PRKAR1B: variants seen among roughly 807,000 people sequenced by gnomAD.
The protein encoded by PRKAR1B is protein kinase cAMP-dependent type I regulatory subunit beta, also known as cAMP-dependent protein kinase type I-beta regulatory subunit.
A neutral mutation model predicts 46.5 loss-of-function variants in PRKAR1B; 22 were observed. The observed-to-expected ratio is 0.47, with a 90% CI of 0.34 to 0.68. The LOEUF is 0.68. Among genes scored for constraint, PRKAR1B ranks in the 30% least tolerant of loss-of-function variants. PRKAR1B has a pLI of 0.01. For missense variants in PRKAR1B, 445 were observed against 535.6 expected (o/e 0.83, Z 1.67); for synonymous variants, 259 against 217.7 (o/e 1.19, Z -1.67).
chr7:671,204 G>A (rs139556033), intron 4 of PRKAR1B, among the ~76,000 whole-genome samples: 33 of 147,566 alleles, frequency 2.2e-4, no homozygotes, highest in Non-Finnish European at 4.3e-4. Context: ...ATCGAGCTCC[G>A]CAGAATTCAG....
chr7:572,798 A>G (rs1779599977), intron 9 of PRKAR1B, among the ~76,000 whole-genome samples: 1 of 152,228 alleles, frequency 6.6e-6, no homozygotes, highest in South Asian at 2.1e-4. Context: ...TACAGGGATG[A>G]GGCCTCATGC....
chr7:635,859 A>G (rs1156932003), intron 4 of PRKAR1B, among the ~76,000 whole-genome samples: 1 of 152,036 alleles, frequency 6.6e-6, no homozygotes, highest in African/African-American at 2.4e-5. Context: ...CTTAATCGCC[A>G]GGCCTCAGTT....
At chr7:695,810 C>A (rs1479806769) in intron 2 of PRKAR1B, among the ~76,000 whole-genome samples, 3 of 151,756 alleles carry the variant, frequency 2.0e-5, no homozygotes, top group South Asian at 2.1e-4. Flanking sequence ...ACTACAGGTG[C>A]CTGCCACCAT....
intron 1 of PRKAR1B, among the ~76,000 whole-genome samples, chr7:725,329 T>C (rs1781220129): frequency 6.6e-6 from 1 of 152,174 alleles, no homozygotes; most frequent in Non-Finnish European, 1.5e-5. Flanking sequence ...CATTCTGCCT[T>C]TAGAAAACTC....
chr7:712,311 C>A (rs1780688925), intron 1 of PRKAR1B: 1 of 149,724 alleles, frequency 6.7e-6, no homozygotes. Context: ...CCGCCCCGCG[C>A]GCCCCACTCC....
intron 9 of PRKAR1B, among the ~76,000 whole-genome samples, chr7:573,188 A>T (rs1207531921): frequency 6.6e-6 from 1 of 152,204 alleles, no homozygotes; most frequent in African/African-American, 2.4e-5. Context: ...ACAGAGGAAA[A>T]GTGAAAAAGA....
intron 2 of PRKAR1B, among the ~76,000 whole-genome samples, chr7:683,212 G>A (rs1213073520): frequency 2.0e-5 from 3 of 152,210 alleles, no homozygotes; most frequent in Non-Finnish European, 4.4e-5. Context: ...CAGGAGCTCT[G>A]GGGTCCTGGG....
At chr7:600,690 A>G (rs1781539886) in intron 6 of PRKAR1B, among the ~76,000 whole-genome samples, 1 of 152,172 alleles carries the variant, frequency 6.6e-6, no homozygotes, top group South Asian at 2.1e-4. Context: ...GGCCAGCGTC[A>G]GTGGGGACGT....
chr7:552,674 A>G (rs1201078683), intron 9 of PRKAR1B, among the ~76,000 whole-genome samples: 2 of 152,194 alleles, frequency 1.3e-5, no homozygotes, highest in East Asian at 3.9e-4. Flanking sequence ...AATGGAACTC[A>G]CTGGCCCCCC....
In PRKAR1B at chr7:680,671, T is replaced by C. The variant is rs367822885; in HGVS notation, c.233A>G (p.His78Arg). The change falls in exon 3 of 11, where the codon CAT becomes CGT. Residue 78 changes from histidine (H) to arginine (R), a missense_variant. Around this residue, in one of 5 missense-constraint regions of PRKAR1B, gnomAD observed 155 missense variants for 127.5 expected, o/e 1.22. Coordinates refer to ENST00000537384, the MANE Select transcript of PRKAR1B (RefSeq NM_001164760.2). ...RQKSNSQSDS[H>R]DEEVSPTPPN... ...GGGGGTGGGCGACACCTCCTCATCA[T>C]GGGAGTCCGACTGTGAGTTTGACTT... 2.5e-5 allele frequency: 41 copies of C among 1,613,606 alleles called. No individual in the cohort carries two copies. Among genetic ancestry groups the C allele is most frequent in the Non-Finnish European group, 3.4e-5 (40 of 1,179,924 alleles).
At chr7:558,879 G>C (rs534560875) in intron 9 of PRKAR1B, among the ~76,000 whole-genome samples, 12 of 152,324 alleles carry the variant, frequency 7.9e-5, no homozygotes, top group African/African-American at 1.9e-4. Context: ...CCAACGCTTC[G>C]GCTCAGAGGT....
Position 550,522 on chromosome 7 carries a change from G to C in PRKAR1B, c.1054C>G (p.Arg352Gly). Reference protein sequence around the residue: ...RGPLKCVKLDRPRFERVLGPC... With the variant: ...RGPLKCVKLDGPRFERVLGPC... ...CCCAGCACACGCTCGAAGCGGGGCC[G>C]GTCCAGCTTCACACACTTGAGGGGC... The change falls in exon 11 of 11, where the codon CGG becomes GGG. Residue 352 changes from arginine to glycine, a missense_variant. Transcript: ENST00000537384. The C allele has an allele frequency of 6.2e-7, 1 of 1,604,362 alleles. No homozygotes were observed. Among genetic ancestry groups the C allele is most frequent in the Non-Finnish European group, 8.5e-7 (1 of 1,176,084 alleles).
intron 9 of PRKAR1B, among the ~76,000 whole-genome samples, chr7:559,500 T>A (rs1165276972): frequency 6.6e-6 from 1 of 152,012 alleles, no homozygotes; most frequent in East Asian, 1.9e-4. Flanking sequence ...CAGGAAGGGC[T>A]CCCCGATACG....
At chr7:715,165 G>T (rs1310935127) in intron 1 of PRKAR1B, among the ~76,000 whole-genome samples, 1 of 152,104 alleles carries the variant, frequency 6.6e-6, no homozygotes, top group African/African-American at 2.4e-5. Context: ...AAGAGCGAAC[G>T]AAACTCCGTC....
intron 2 of PRKAR1B, among the ~76,000 whole-genome samples, chr7:686,273 C>T (rs746092322): frequency 1.3e-5 from 2 of 151,454 alleles, no homozygotes; most frequent in Non-Finnish European, 2.9e-5. Flanking sequence ...TGCACTCCAG[C>T]CTGGGCGACA....
chr7:711,199 G>T, intron 2 of PRKAR1B, 130 bp downstream of exon 2: 1 of 1,295,942 alleles, frequency 7.7e-7, no homozygotes, highest in Non-Finnish European at 1.1e-6. Context: ...GGAAGGACCT[G>T]CAGGACGGCA....
At chr7:671,255 G>A (rs1045867227) in intron 4 of PRKAR1B, among the ~76,000 whole-genome samples, 2 of 152,190 alleles carry the variant, frequency 1.3e-5, no homozygotes, top group Non-Finnish European at 2.9e-5. Context: ...CCAGAGCCGG[G>A]CTTTTGATAA....
intron 6 of PRKAR1B, among the ~76,000 whole-genome samples, chr7:605,481 C>A (rs141245067): frequency 2.0e-5 from 3 of 152,148 alleles, no homozygotes; most frequent in Admixed American, 1.3e-4. Flanking sequence ...GACTGGGCTG[C>A]GGGGCCAGGG....
chr7:559,050 A>G lies in PRKAR1B; in HGVS notation c.892-7580T>C, dbSNP rs151296514. ...TTGCCTTCCTCGGAGCTGCCGATGCATCTCCCTTCTGTTTATTCTTCCAGG... is the reference window on the plus strand; with the variant it reads ...TTGCCTTCCTCGGAGCTGCCGATGCGTCTCCCTTCTGTTTATTCTTCCAGG... On this transcript the variant is annotated intron_variant, in intron 9 of 10. Transcript: ENST00000537384. 1.1e-3 allele frequency among the ~76,000 whole-genome samples: 174 copies of G among 152,278 alleles called. 1 individual carries two copies. The highest frequency in any genetic ancestry group is 3.9e-3 in the African/African-American group (162 of 41,556).
Sources: gnomAD v4.1 joint callset for allele counts (sites outside exome capture counted in the v4.1 genomes callset) on GRCh38, gnomAD v4.1.1 for gene constraint, gnomAD v4.1.1 regional missense constraint, MANE v1.5 for transcripts, NCBI Gene and HGNC (gene_info 2026-07-23, HGNC 2026-07-21) for gene names.